Variants in EIF2AK3 observed in about 807,000 individuals in gnomAD.
EIF2AK3 encodes the protein eukaryotic translation initiation factor 2-alpha kinase 3.
In EIF2AK3, 50 loss-of-function variants were observed where a neutral mutation model predicts 113.5. The observed-to-expected ratio is 0.44, with a 90% CI of 0.35 to 0.56. The LOEUF is 0.56. Ranked by LOEUF, EIF2AK3 falls within the 20% of genes least tolerant of loss-of-function variation. The pLI is 0.00. For missense variants in EIF2AK3, 1,185 were observed against 1,378.0 expected (o/e 0.86, Z 2.22); for synonymous variants, 448 against 495.4 (o/e 0.90, Z 1.27).
chr2:88,586,271 A>G (rs1573402047), intron 8 of EIF2AK3, among the ~76,000 whole-genome samples: 1 of 152,038 alleles, frequency 6.6e-6, no homozygotes, highest in African/African-American at 2.4e-5. Flanking sequence ...AAGCATATTA[A>G]ATTTTCTTTA....
intron 1 of EIF2AK3, 70 bp downstream of exon 1, chr2:88,626,897 C>T: frequency 6.3e-7 from 1 of 1,580,774 alleles, no homozygotes; most frequent in South Asian, 1.1e-5. Flanking sequence ...GATCTCCGCC[C>T]CCCTACACCG....
intron 1 of EIF2AK3, among the ~76,000 whole-genome samples, chr2:88,625,929 G>C (rs1237477144): frequency 2.6e-5 from 4 of 151,962 alleles, no homozygotes; most frequent in Non-Finnish European, 5.9e-5. Context: ...CAGATATATA[G>C]ATCAAAGTTC....
intron 10 of EIF2AK3, among the ~76,000 whole-genome samples, chr2:88,582,652 G>A (rs1342087734): frequency 6.6e-6 from 1 of 152,050 alleles, no homozygotes; most frequent in Non-Finnish European, 1.5e-5. Flanking sequence ...ATATGCCTAT[G>A]TATAAGATAT....
intron 2 of EIF2AK3, among the ~76,000 whole-genome samples, chr2:88,599,044 G>A (rs531665401): frequency 4.0e-5 from 6 of 151,732 alleles, no homozygotes; most frequent in Admixed American, 2.0e-4. Context: ...TTGGTACCAC[G>A]TTTATTGTAC....
At chr2:88,597,810 G>A (rs935889088) in intron 2 of EIF2AK3, among the ~76,000 whole-genome samples, 14 of 151,992 alleles carry the variant, frequency 9.2e-5, no homozygotes, top group Admixed American at 3.3e-4. Flanking sequence ...CCGAGACACC[G>A]TGATATCCTC....
chr2:88,562,212 G>A lies in EIF2AK3; in HGVS notation c.3087+77C>T, dbSNP rs993694043. On this transcript the variant is annotated intron_variant, in intron 15 of 16. Coordinates refer to ENST00000303236, the MANE Select transcript of EIF2AK3 (RefSeq NM_004836.7). ...ATCTGCTGGTATTAAGAAGAACTAA[G>A]TCTTTAAAAAACTCTTTTGTAAATG... The A allele has an allele frequency of 9.2e-5, 109 of 1,185,568 alleles. No homozygotes were observed. In the Middle Eastern group the frequency reaches 1.7e-3, roughly 19 times the overall value. 73.4% of individuals were successfully genotyped at this position (1,185,568 alleles called of 1,614,324 possible).
intron 2 of EIF2AK3, among the ~76,000 whole-genome samples, chr2:88,607,313 G>A: frequency 6.6e-6 from 1 of 152,152 alleles, no homozygotes; most frequent in Non-Finnish European, 1.5e-5. Flanking sequence ...AATTACTAGA[G>A]GAAAGCAAAT....
At chr2:88,577,855 C>T (rs981419965) in intron 11 of EIF2AK3, among the ~76,000 whole-genome samples, 1 of 152,184 alleles carries the variant, frequency 6.6e-6, no homozygotes, top group Non-Finnish European at 1.5e-5. Flanking sequence ...GGAAAGGCTA[C>T]TCTTGAGCAC....
rs1416751495 is a variant in EIF2AK3 at position 88,574,771 on chromosome 2, A to G, written c.2712T>C (p.Cys904=). 6.2e-7 allele frequency: 1 copy of G among 1,614,186 alleles called. No individual in the cohort carries two copies. Among genetic ancestry groups the G allele is most frequent in the Non-Finnish European group, 8.5e-7 (1 of 1,180,024 alleles). The change falls in exon 13 of 17, where the codon TGT becomes TGC. Residue 904 remains cysteine (C), a synonymous_variant. Coordinates refer to ENST00000303236, the MANE Select transcript of EIF2AK3 (RefSeq NM_004836.7). Reference sequence around the variant, plus strand: ...CGCTCCTCTCTCTCTCCTCTATGGTACATCGTCCATTCATCCAGTCTTTGA... The same window carrying G: ...CGCTCCTCTCTCTCTCCTCTATGGTGCATCGTCCATTCATCCAGTCTTTGA... ...ENLKDWMNGR[C]TIEERERSVC...
chr2:88,625,837 TTA>T (rs904141556), intron 1 of EIF2AK3, among the ~76,000 whole-genome samples: 1 of 151,988 alleles, frequency 6.6e-6, no homozygotes. Context: ...AAACTTTGTT[TTA>T]TATATATATA....
intron 2 of EIF2AK3, among the ~76,000 whole-genome samples, chr2:88,597,778 T>C (rs554043905): frequency 1.5e-4 from 23 of 152,308 alleles, no homozygotes; most frequent in African/African-American, 5.3e-4. Context: ...TCCTTAACTT[T>C]CCTTTTTGTT....
intron 15 of EIF2AK3, among the ~76,000 whole-genome samples, chr2:88,561,318 G>A (rs1471201881): frequency 1.3e-5 from 2 of 150,570 alleles, no homozygotes; most frequent in Non-Finnish European, 3.0e-5. Flanking sequence ...CTGGAGTGCA[G>A]TGGCGCGATC....
intron 2 of EIF2AK3, among the ~76,000 whole-genome samples, chr2:88,607,034 C>CA (rs1675295139): frequency 6.6e-6 from 1 of 152,126 alleles, no homozygotes; most frequent in African/African-American, 2.4e-5. Context: ...TAAAGGTATT[C>CA]ATCTAAGTAC....
chr2:88,557,862 A>G lies in EIF2AK3; in HGVS notation c.3225T>C (p.Ala1075=). 3 of 1,614,166 alleles carry G rather than the reference A, an allele frequency of 1.9e-6. No homozygotes were observed. Among genetic ancestry groups the G allele is most frequent in the South Asian group, 2.2e-5 (2 of 91,084 alleles). Residue 1075 remains alanine (A), a synonymous_variant, in exon 17 of 17, where the codon GCT becomes GCC. Transcript: ENST00000303236. ...RPEAINIIEN[A]VFEDLDFPGK... ...CTGGAAAGTCCAAGTCCTCAAATACAGCATTTTCAATGATGTTTATAGCTT... is the reference window on the plus strand; with the variant it reads ...CTGGAAAGTCCAAGTCCTCAAATACGGCATTTTCAATGATGTTTATAGCTT...
rs1398272432 is a variant in EIF2AK3 at position 88,562,333 on chromosome 2, A to C, written c.3043T>G (p.Phe1015Val). 4.3e-6 allele frequency: 7 copies of C among 1,614,020 alleles called. No homozygotes were observed. Among genetic ancestry groups the C allele is most frequent in the Non-Finnish European group, 5.9e-6 (7 of 1,179,998 alleles). The part of the protein sequence containing the change: ...VDIFSLGLIL[F>V]ELLYPFSTQM... ...GTGCTGAATGGATACAGCAATTCAA[A>C]TAGAATCAGGCCTAAAGAAAAGATG... The change falls in exon 15 of 17, where the codon TTT becomes GTT. Residue 1015 changes from phenylalanine to valine, a missense_variant. Transcript: ENST00000303236.
intron 3 of EIF2AK3, 56 bp from the exon 4 acceptor site, chr2:88,593,461 C>G: frequency 6.3e-7 from 1 of 1,594,204 alleles, no homozygotes; most frequent in Non-Finnish European, 8.6e-7. Flanking sequence ...CATAATAGAT[C>G]AGAGATATTA....
chr2:88,621,690 A>G (rs892157553), intron 1 of EIF2AK3, among the ~76,000 whole-genome samples: 1 of 152,148 alleles, frequency 6.6e-6, no homozygotes, highest in African/African-American at 2.4e-5. Context: ...CTTTACTTAA[A>G]CATATGACAA....
chr2:88,612,970 G>A (rs1038080327), intron 2 of EIF2AK3, among the ~76,000 whole-genome samples: 1 of 152,162 alleles, frequency 6.6e-6, no homozygotes, highest in African/African-American at 2.4e-5. Flanking sequence ...TTATTTTTAA[G>A]TAATTTAAAC....
At chr2:88,593,875 T>G (rs944178057) in intron 3 of EIF2AK3, 52 of 1,001,686 alleles carry the variant, frequency 5.2e-5, no homozygotes, top group Non-Finnish European at 6.0e-5. Flanking sequence ...AAGGAAGAGT[T>G]AATATGATCC....
Sources: allele counts gnomAD v4.1 joint callset (sites outside exome capture counted in the v4.1 genomes callset), GRCh38; gene constraint gnomAD v4.1.1; transcripts MANE v1.5; gene names NCBI Gene and HGNC (gene_info 2026-07-23, HGNC 2026-07-21).